CMSS1: variants seen among roughly 807,000 people sequenced by gnomAD.
CMSS1 encodes the protein protein CMSS1.
Under a neutral mutation model 43.5 loss-of-function variants are expected in CMSS1, and 33 were observed. The observed-to-expected ratio is 0.76, with a 90% confidence interval of 0.57 to 1.01. The LOEUF (loss-of-function observed/expected upper bound fraction) is 1.01, where lower values mean the gene tolerates loss of function less well. Ranked by LOEUF, CMSS1 falls within the 50% of genes least tolerant of loss-of-function variation. The pLI, the probability that CMSS1 is intolerant of heterozygous loss-of-function variation, is 0.00. For missense variants in CMSS1, 313 were observed against 326.4 expected, an observed-to-expected ratio of 0.96 and a Z score of 0.32; for synonymous variants, 115 against 117.2, an observed-to-expected ratio of 0.98 and a Z score of 0.12.
intron 2 of CMSS1, among the ~76,000 whole-genome samples, chr3:100,149,837 C>T (rs1427914730): frequency 6.6e-6 from 1 of 152,190 alleles, no homozygotes; most frequent in African/African-American, 2.4e-5. Flanking sequence ...TTTCTCATGA[C>T]TCTTCCCATC....
At chr3:99,935,664 CTGGA>C (rs1267610095) in intron 1 of CMSS1, among the ~76,000 whole-genome samples, 1 of 152,230 alleles carries the variant, frequency 6.6e-6, no homozygotes, top group Non-Finnish European at 1.5e-5. Context: ...GGACCTGAGA[CTGGA>C]TGATCTTTGA....
intron 1 of CMSS1, among the ~76,000 whole-genome samples, chr3:99,945,100 G>C (rs1707969290): frequency 6.6e-6 from 1 of 152,160 alleles, no homozygotes; most frequent in African/African-American, 2.4e-5. Context: ...AGAACAAGCA[G>C]TCACCCTGCT....
At chr3:99,993,951 C>G (rs1240004425) in intron 1 of CMSS1, among the ~76,000 whole-genome samples, 3 of 152,128 alleles carry the variant, frequency 2.0e-5, no homozygotes, top group Non-Finnish European at 2.9e-5. Context: ...GTGTCCTTGT[C>G]TGATTTTGGC....
Position 99,966,620 on chromosome 3 carries a change from A to G in CMSS1, c.64+148577A>G, listed in dbSNP as rs532369601. On this transcript the variant is annotated intron_variant, in intron 1 of 9. Coordinates refer to ENST00000421999, the MANE Select transcript of CMSS1 (RefSeq NM_032359.4). The stretch of plus-strand genomic sequence containing the variant: ...ACTCAGAACCCTTCGCTCTGTATAT[A>G]CAGTTTGATTTAAGATGCCACATTT... Among the ~76,000 whole-genome samples the G allele has an allele frequency of 2.4e-4, 37 of 152,318 alleles. 1 individual carries two copies. The South Asian group carries it at 7.0e-3, about 29-fold the overall frequency.
At chr3:100,134,777 C>T (rs897994803) in intron 1 of CMSS1, among the ~76,000 whole-genome samples, 2 of 152,134 alleles carry the variant, frequency 1.3e-5, no homozygotes, top group African/African-American at 4.8e-5. Flanking sequence ...TTAAATATAA[C>T]ATACATTATT....
At chr3:99,832,945 G>A (rs919130586) in intron 1 of CMSS1, among the ~76,000 whole-genome samples, 1 of 150,662 alleles carries the variant, frequency 6.6e-6, no homozygotes, top group African/African-American at 2.5e-5. Flanking sequence ...TCATCTCTTG[G>A]ATCATTTTTA....
chr3:99,821,667 G>A (rs563653792), intron 1 of CMSS1, among the ~76,000 whole-genome samples: 3 of 152,290 alleles, frequency 2.0e-5, no homozygotes, highest in Middle Eastern at 3.4e-3. Context: ...GTAGTTGACC[G>A]GTCTGGGTAC....
At chr3:100,086,283 A>G (rs1455545769) in intron 1 of CMSS1, among the ~76,000 whole-genome samples, 1 of 152,196 alleles carries the variant, frequency 6.6e-6, no homozygotes, top group Non-Finnish European at 1.5e-5. Context: ...AGTACCACAG[A>G]AGAAAGGGAC....
Position 99,936,172 on chromosome 3 carries a change from A to T in CMSS1, c.64+118129A>T, listed in dbSNP as rs538675803. Among the ~76,000 whole-genome samples the T allele has an allele frequency of 2.0e-5, 3 of 152,186 alleles. No individual in the cohort carries two copies. The South Asian group carries it at 6.2e-4, about 32-fold the overall frequency. On this transcript the variant is annotated intron_variant, in intron 1 of 9. Coordinates refer to ENST00000421999, the MANE Select transcript of CMSS1 (RefSeq NM_032359.4). The stretch of plus-strand genomic sequence containing the variant: ...ATCAAGTAAGTGAAAAGCCTCAAAA[A>T]AGAAATCATTTTTGGTCTTGGTCAT...
At chr3:99,826,998 G>C (rs538198159) in intron 1 of CMSS1, among the ~76,000 whole-genome samples, 10 of 152,098 alleles carry the variant, frequency 6.6e-5, no homozygotes, top group Admixed American at 2.6e-4. Context: ...ACACTTCTGC[G>C]GAAACAACAT....
intron 1 of CMSS1, among the ~76,000 whole-genome samples, chr3:99,886,119 A>G (rs557984472): frequency 2.0e-5 from 3 of 152,382 alleles, no homozygotes; most frequent in African/African-American, 4.8e-5. Context: ...ACACGTGCAC[A>G]TGGACGTGAG....
intron 1 of CMSS1, among the ~76,000 whole-genome samples, chr3:99,904,456 C>A (rs965476312): frequency 2.0e-5 from 3 of 152,080 alleles, no homozygotes; most frequent in Non-Finnish European, 4.4e-5. Context: ...TAAAATAGAG[C>A]TTTTTAAAAA....
intron 1 of CMSS1, among the ~76,000 whole-genome samples, chr3:99,834,603 T>G (rs1942819514): frequency 6.6e-6 from 1 of 152,220 alleles, no homozygotes. Flanking sequence ...CCTCATTTGT[T>G]CTCTTTTTAT....
intron 1 of CMSS1, among the ~76,000 whole-genome samples, chr3:100,053,414 G>A (rs1045877861): frequency 6.6e-6 from 1 of 152,120 alleles, no homozygotes; most frequent in Non-Finnish European, 1.5e-5. Context: ...TTGGCTTGTG[G>A]CAGCATAACT....
intron 1 of CMSS1, chr3:99,830,676 A>G (rs1402688252): frequency 2.3e-6 from 1 of 436,588 alleles, no homozygotes. Flanking sequence ...TGTTTAGGAC[A>G]TGGAGTCAGT....
chr3:99,966,501 C>T (rs542216333), intron 1 of CMSS1, among the ~76,000 whole-genome samples: 25 of 152,158 alleles, frequency 1.6e-4, no homozygotes, highest in African/African-American at 4.3e-4. Flanking sequence ...TGCAGAGCCC[C>T]GTCAAAATAG....
intron 1 of CMSS1, among the ~76,000 whole-genome samples, chr3:100,110,197 G>A (rs896122080): frequency 6.6e-6 from 1 of 152,026 alleles, no homozygotes; most frequent in Non-Finnish European, 1.5e-5. Context: ...GAAAACATAA[G>A]GTTAACCCCA....
intron 1 of CMSS1, among the ~76,000 whole-genome samples, chr3:100,088,882 T>C (rs2066056922): frequency 6.6e-6 from 1 of 152,222 alleles, no homozygotes; most frequent in African/African-American, 2.4e-5. Context: ...TTTTGTGATG[T>C]AAATGTTTGT....
intron 1 of CMSS1, chr3:99,849,280 T>C (rs372180517): frequency 3.1e-6 from 5 of 1,614,098 alleles, no homozygotes; most frequent in South Asian, 1.1e-5. Flanking sequence ...TGTCTGAACT[T>C]CTTTAGAAAA....
Sources: allele counts gnomAD v4.1 joint callset (sites outside exome capture counted in the v4.1 genomes callset), GRCh38; gene constraint gnomAD v4.1.1; transcripts MANE v1.5; gene names NCBI Gene and HGNC (gene_info 2026-07-23, HGNC 2026-07-21).